The following KCNT1 variants were observed in gnomAD, a reference collection of about 807,000 sequenced individuals.
KCNT1 encodes the protein potassium channel subfamily T member 1.
In KCNT1, 78 loss-of-function variants were observed where a neutral mutation model predicts 147.8. That is an observed-to-expected ratio of 0.53 (90% CI 0.44 to 0.64). KCNT1 has a LOEUF of 0.64. KCNT1 is among the 30% of genes least tolerant of loss of function. The pLI, the probability that KCNT1 is intolerant of heterozygous loss-of-function variation, is 0.00. For synonymous variants in KCNT1, 867 were observed against 748.8 expected (o/e 1.16, Z -2.58); for missense variants, 1,419 against 1,750.3 (o/e 0.81, Z 3.38).
intron 2 of KCNT1, among the ~76,000 whole-genome samples, chr9:135,724,236 T>C (rs1267414899): frequency 6.6e-6 from 1 of 152,234 alleles, no homozygotes; most frequent in African/African-American, 2.4e-5. Context: ...GGGGTGCTTT[T>C]CATCCCCGGA....
At position 135,784,857 on chromosome 9, in the gene KCNT1, C is replaced by T. The variant is rs772472766; in HGVS notation, c.3124C>T (p.Arg1042Trp). The change falls in exon 27 of 31, where the codon CGG becomes TGG. Residue 1042 changes from arginine to tryptophan, a missense_variant. Arg to Trp is a moderately radical substitution (Grantham distance 101). Coordinates refer to ENST00000371757, the MANE Select transcript of KCNT1 (RefSeq NM_020822.3). ...SSAEIPIGIY[R>W]TESHVFSTSE... ...CGCCGAGATCCCCATTGGCATCTAC[C>T]GGACAGAGAGCCACGTCTTCTCCAC... is the stretch of plus-strand genomic sequence containing the variant. 9 of 1,612,726 alleles carry T rather than the reference C, an allele frequency of 5.6e-6. No individual in the cohort carries two copies. The highest frequency in any genetic ancestry group is 2.2e-5 in the East Asian group (1 of 44,878).
intron 3 of KCNT1, chr9:135,750,710 C>G (rs572172222): frequency 3.4e-6 from 2 of 586,116 alleles, no homozygotes; most frequent in African/African-American, 3.7e-5. Flanking sequence ...ATCCCCTGCA[C>G]CCCAAGTTCA....
chr9:135,768,244 GGGGGGGGGGGGGGCACTGGGATACCGGT>G (rs767903794), intron 13 of KCNT1, among the ~76,000 whole-genome samples: 3,183 of 38,634 alleles, frequency 0.082, 564 homozygotes, highest in Non-Finnish European at 0.18. Context: ...TGCCTGCGGG[GGGGGGGGGGGGGGCACTGGGATACCGGT>G]GGGGGGGGCA....
In KCNT1 at chr9:135,750,135, A is replaced by C; in HGVS notation, c.292A>C (p.Lys98Gln). 1 of 1,613,734 alleles carries C rather than the reference A, an allele frequency of 6.2e-7. No homozygotes were observed. Among genetic ancestry groups the C allele is most frequent in the Non-Finnish European group, 8.5e-7 (1 of 1,179,940 alleles). Residue 98 changes from lysine to glutamine, a missense_variant, in exon 3 of 31, where the codon AAG becomes CAG. Lys to Gln is a moderately conservative substitution (Grantham distance 53, BLOSUM62 1). Around this residue, in one of 5 missense-constraint regions of KCNT1, gnomAD observed 181 missense variants for 155.7 expected, o/e 1.16. Transcript: ENST00000371757. ...VEFYVNENTF[K>Q]ERLKLFFIKN... ...GTTCTACGTCAACGAGAACACCTTC[A>C]AGGAGCGGCTCAAGCTGTTCTTCAT...
intron 11 of KCNT1, among the ~76,000 whole-genome samples, chr9:135,761,948 C>G (rs1327437529): frequency 1.3e-5 from 2 of 152,252 alleles, no homozygotes; most frequent in African/African-American, 4.8e-5. Context: ...CCCCCAGGGT[C>G]GCTTTCAAAT....
intron 2 of KCNT1, among the ~76,000 whole-genome samples, chr9:135,734,799 C>T (rs371692529): frequency 1.4e-3 from 207 of 152,202 alleles, no homozygotes; most frequent in African/African-American, 4.7e-3. Flanking sequence ...GAGCCGCATC[C>T]GCAGCCCAGG....
At chr9:135,725,494 G>C (rs2131348388) in intron 2 of KCNT1, among the ~76,000 whole-genome samples, 1 of 152,368 alleles carries the variant, frequency 6.6e-6, no homozygotes, top group Middle Eastern at 3.4e-3. Flanking sequence ...AGGAGCTGGA[G>C]ACGGCGGAGG....
rs1043967144 is a variant in KCNT1, at chr9:135,744,713, C to CCCAGGG, written c.255-5366_255-5361dup. On this transcript the variant is annotated intron_variant, in intron 2 of 30. Coordinates refer to ENST00000371757, the MANE Select transcript of KCNT1 (RefSeq NM_020822.3). Reference sequence around the variant, plus strand: ...ATGGGCCAGCGCCGCTGACGGCTCTCCCAGGGCCAGGGCCAGGGCCAGGGT... The same window carrying CCCAGGG: ...ATGGGCCAGCGCCGCTGACGGCTCTCCCAGGGCCAGGGCCAGGGCCAGGGCCAGGGT... Among the ~76,000 whole-genome samples, 9 of 152,332 alleles carry CCCAGGG rather than the reference C, an allele frequency of 5.9e-5. No individual in the cohort carries two copies. The South Asian group carries it at 6.2e-4, about 11-fold the overall frequency.
intron 28 of KCNT1, 48 bp from the exon 29 acceptor site, chr9:135,786,149 C>T: frequency 1.3e-6 from 2 of 1,548,832 alleles, no homozygotes; most frequent in Non-Finnish European, 1.7e-6. Context: ...CCGCGACCCT[C>T]CCGGCAGCCT....
In KCNT1 at chr9:135,792,083, C is replaced by T; in HGVS notation, c.3630C>T (p.Ser1210=). The T allele has an allele frequency of 6.2e-7, 1 of 1,604,420 alleles. No homozygotes were observed. Among genetic ancestry groups the T allele is most frequent in the East Asian group, 2.2e-5 (1 of 44,810 alleles). ...ACCCCCTGGCTCACGTGGCCAGCAG[C>T]TCCCAGAGCCGGAAGAGCAGCTGCA... is the stretch of plus-strand genomic sequence containing the variant. ...RSDPLAHVAS[S]SQSRKSSCSH... The change falls in exon 31 of 31, where the codon AGC becomes AGT. Residue 1210 remains serine (S), a synonymous_variant. Coordinates refer to ENST00000371757, the MANE Select transcript of KCNT1 (RefSeq NM_020822.3).
intron 2 of KCNT1, among the ~76,000 whole-genome samples, chr9:135,745,664 C>T (rs1172927178): frequency 6.6e-6 from 1 of 152,270 alleles, no homozygotes; most frequent in Non-Finnish European, 1.5e-5. Context: ...GCTCCTCCAC[C>T]TGTCTGCTGT....
intron 2 of KCNT1, among the ~76,000 whole-genome samples, chr9:135,724,299 G>A (rs964800456): frequency 1.1e-4 from 16 of 152,350 alleles, no homozygotes; most frequent in South Asian, 2.1e-4. Context: ...GGGGGCAGCC[G>A]TGGGCGGGTA....
At chr9:135,768,349 G>GA in intron 13 of KCNT1, 1 of 211,626 alleles carries the variant, frequency 4.7e-6, no homozygotes, top group Admixed American at 6.7e-5. Flanking sequence ...TGGGTTGGGG[G>GA]GGGGGGGGGC....
At chr9:135,731,999 G>T (rs868198557) in intron 2 of KCNT1, among the ~76,000 whole-genome samples, 1,952 of 43,344 alleles carry the variant, frequency 0.045, 9 homozygotes, top group Non-Finnish European at 0.07. Context: ...TATAGAGAGA[G>T]AGAGAGAGAG....
At chr9:135,783,917 A>G (rs1833811349) in intron 24 of KCNT1, 107 bp from the exon 25 acceptor site, 3 of 776,092 alleles carry the variant, frequency 3.9e-6, no homozygotes, top group Admixed American at 1.8e-5. Flanking sequence ...GCACACAGGT[A>G]TCATGCACAC....
chr9:135,755,796 TCAGGCTCAGTAAATGCTGAGGACAAATC>T (rs1204960100), intron 6 of KCNT1, among the ~76,000 whole-genome samples: 128 of 139,652 alleles, frequency 9.2e-4, no homozygotes, highest in African/African-American at 2.2e-3. Context: ...ATTTACTGAC[TCAGGCTCAGTAAATGCTGAGGACAAATC>T]CAGGCTCAGT....
At chr9:135,732,040 A>AGAGAGAGG (rs1836504744) in intron 2 of KCNT1, among the ~76,000 whole-genome samples, 1 of 135,394 alleles carries the variant, frequency 7.4e-6, no homozygotes, top group South Asian at 2.5e-4. Flanking sequence ...AGAGAGAGAG[A>AGAGAGAGG]GGGAGTCTCA....
In KCNT1 at chr9:135,794,627, C is replaced by T. The variant is rs563861969; in HGVS notation, c.*2466C>T. The T allele has an allele frequency of 2.0e-5, 3 of 152,362 alleles. No homozygotes were observed. The highest frequency in any genetic ancestry group is 1.9e-4 in the East Asian group (1 of 5,186). 9.4% of individuals were successfully genotyped at this position (152,362 alleles called of 1,614,324 possible). A position where few individuals can be genotyped will look rare whatever the true frequency, so the allele number is the denominator to read the frequency against. ...GCGCCCAGCGGCCTGTGAATCCTCC[C>T]GTGGGCAAAGCTGGGAGCCAGGGGC... On this transcript the variant is annotated 3_prime_UTR_variant, in exon 31 of 31. Transcript: ENST00000371757.
In KCNT1 at chr9:135,730,995, A is replaced by G. The variant is rs1458282564; in HGVS notation, c.254+16275A>G. 2.7e-5 allele frequency among the ~76,000 whole-genome samples: 4 copies of G among 149,702 alleles called. No homozygotes were observed. The highest frequency in any genetic ancestry group is 5.9e-5 in the Non-Finnish European group (4 of 67,576). ...AGTGAGATCCCGTCTCAAGGTAAAA[A>G]AAAAAAAAAAAAAAAAAAGTGTGGT... is the stretch of plus-strand genomic sequence containing the variant. On this transcript the variant is annotated intron_variant, in intron 2 of 30. Coordinates refer to ENST00000371757, the MANE Select transcript of KCNT1 (RefSeq NM_020822.3). The surrounding 1 kb of genome is among the most constrained non-coding windows in gnomAD (Gnocchi z 4.7).
Sources: gnomAD v4.1 joint callset for allele counts (sites outside exome capture counted in the v4.1 genomes callset) on GRCh38, gnomAD v4.1.1 for gene constraint, gnomAD v4.1.1 regional missense constraint, Gnocchi (gnomAD v3.1) non-coding constraint, MANE v1.5 for transcripts, NCBI Gene and HGNC (gene_info 2026-07-23, HGNC 2026-07-21) for gene names.